AURKC: variants seen among roughly 807,000 people sequenced by gnomAD.
The protein encoded by AURKC is aurora kinase C.
AURKC carries 15 observed loss-of-function variants against 29.2 expected under a neutral mutation model. That is an observed-to-expected ratio of 0.51 (90% CI 0.34 to 0.79). The LOEUF is 0.79. AURKC is among the 30% of genes least tolerant of loss of function. The pLI is 0.01. For synonymous variants in AURKC, 150 were observed against 149.9 expected, an observed-to-expected ratio of 1.00 and a Z score of -0.01; for missense variants, 332 against 383.2, an observed-to-expected ratio of 0.87 and a Z score of 1.12.
chr19:57,231,526 T>A, intron 1 of AURKC: 1 of 701,292 alleles, frequency 1.4e-6, no homozygotes, highest in South Asian at 1.7e-5. Flanking sequence ...CTTCACCTCC[T>A]CCTCCCCTCC....
chr19:57,231,524 C>T (rs1011683820), intron 1 of AURKC: 1 of 735,776 alleles, frequency 1.4e-6, no homozygotes, highest in Non-Finnish European at 2.3e-6. Flanking sequence ...TTCTTCACCT[C>T]CTCCTCCCCT....
In AURKC at chr19:57,232,111, G is replaced by C; in HGVS notation, c.183G>C (p.Arg61=). The C allele has an allele frequency of 6.2e-7, 1 of 1,614,072 alleles. No individual in the cohort carries two copies. The highest frequency in any genetic ancestry group is 8.5e-7 in the Non-Finnish European group (1 of 1,180,010). ...KGKFGNVYLA[R]LKESHFIVAL... ...AATTTGGGAATGTGTACCTGGCTCG[G>C]CTCAAGGAAAGCCATTTCATTGTGG... The change falls in exon 3 of 7, where the codon CGG becomes CGC. Residue 61 remains arginine, a synonymous_variant. Coordinates refer to ENST00000302804, the MANE Select transcript of AURKC (RefSeq NM_001015878.2). This position sits in a 1 kb window ranked among gnomAD's most constrained non-coding sequence, Gnocchi z 4.5.
chr19:57,232,609 T>C lies in AURKC; in HGVS notation c.364T>C (p.Tyr122His). 1 of 1,614,114 alleles carries C rather than the reference T, an allele frequency of 6.2e-7. No individual in the cohort carries two copies. Among genetic ancestry groups the C allele is most frequent in the Non-Finnish European group, 8.5e-7 (1 of 1,180,034 alleles). Reference sequence around the variant, plus strand: ...ACGCCGGGTGTACCTGATTCTGGAATATGCTCCAAGGGGTGAGCTCTACAA... The same window carrying C: ...ACGCCGGGTGTACCTGATTCTGGAACATGCTCCAAGGGGTGAGCTCTACAA... ...DARRVYLILE[Y>H]APRGELYKEL... Residue 122 changes from tyrosine (Y) to histidine (H), a missense_variant, in exon 4 of 7, where the codon TAT becomes CAT. Physicochemically the swap from Tyr to His is moderately conservative, Grantham distance 83 (BLOSUM62 2). Coordinates refer to ENST00000302804, the MANE Select transcript of AURKC (RefSeq NM_001015878.2). The surrounding 1 kb of genome is among the most constrained non-coding windows in gnomAD (Gnocchi z 4.5).
chr19:57,233,489 C>T lies in AURKC; in HGVS notation c.465C>T (p.Thr155=), dbSNP rs1486988401. 9 of 1,614,142 alleles carry T rather than the reference C, an allele frequency of 5.6e-6. No homozygotes were observed. Among genetic ancestry groups the T allele is most frequent in the Non-Finnish European group, 7.6e-6 (9 of 1,180,038 alleles). The change falls in exon 5 of 7, where the codon ACC becomes ACT. Residue 155 remains threonine, a synonymous_variant. Coordinates refer to ENST00000302804, the MANE Select transcript of AURKC (RefSeq NM_001015878.2). ...TIIEELADAL[T]YCHDKKVIHR... ...TAGAGGAGTTGGCAGATGCCCTGACCTACTGCCATGACAAGAAAGTGATTC... is the reference window on the plus strand; with the variant it reads ...TAGAGGAGTTGGCAGATGCCCTGACTTACTGCCATGACAAGAAAGTGATTC...
In AURKC at chr19:57,234,053, C is replaced by CT. The variant is rs10586926; in HGVS notation, c.584+466dup. Among the ~76,000 whole-genome samples, 742 of 112,554 alleles carry CT rather than the reference C, an allele frequency of 6.6e-3. 3 individuals carry two copies. The highest frequency in any genetic ancestry group is 8.1e-3 in the Non-Finnish European group (458 of 56,758). The allele number at this position is 112,554 out of a possible 152,430, so 73.8% of individuals were successfully genotyped here. ...GGCTGAACTACTGCCTTTTTCTTTTCTTTTTTTTTTTTTTTTTTTTTGAGA... is the reference window on the plus strand; with the variant it reads ...GGCTGAACTACTGCCTTTTTCTTTTCTTTTTTTTTTTTTTTTTTTTTTGAGA... On this transcript the variant is annotated intron_variant, in intron 5 of 6. Coordinates refer to ENST00000302804, the MANE Select transcript of AURKC (RefSeq NM_001015878.2).
In AURKC at chr19:57,231,239, T is replaced by A; in HGVS notation, c.-10T>A. 6.4e-7 allele frequency: 1 copy of A among 1,551,540 alleles called. No individual in the cohort carries two copies. Among genetic ancestry groups the A allele is most frequent in the Non-Finnish European group, 8.7e-7 (1 of 1,147,014 alleles). The stretch of plus-strand genomic sequence containing the variant: ...TCAGGAAGGCGTCCGCGCCCTCACC[T>A]CTTCTCCCCATGAGCTCCCCCAGAG... On this transcript the variant is annotated 5_prime_UTR_variant, in exon 1 of 7. Transcript: ENST00000302804.
At chr19:57,231,565 C>T (rs1220451882) in intron 1 of AURKC, 177 bp from the exon 2 acceptor site, 4 of 797,614 alleles carry the variant, frequency 5.0e-6, no homozygotes, top group Non-Finnish European at 8.2e-6. Flanking sequence ...TCTTCTTCCC[C>T]TTACCTCTCC....
rs996571008 is a variant in AURKC at position 57,233,401 on chromosome 19, C to T, written c.436-59C>T. ...CATACAATTCATGGTAAGTGTTCCA[C>T]CTCAGACGGAAATTGTGGCAGGCTT... On this transcript the variant is annotated intron_variant, in intron 4 of 6. Coordinates refer to ENST00000302804, the MANE Select transcript of AURKC (RefSeq NM_001015878.2). 152 of 1,612,402 alleles carry T rather than the reference C, an allele frequency of 9.4e-5. 1 individual carries two copies. The East Asian group carries it at 1.5e-3, about 16-fold the overall frequency.
chr19:57,232,584 A>T lies in AURKC; in HGVS notation c.339A>T (p.Ala113=). Residue 113 remains alanine (A), a synonymous_variant, in exon 4 of 7, where the codon GCA becomes GCT. Coordinates refer to ENST00000302804, the MANE Select transcript of AURKC (RefSeq NM_001015878.2). This position sits in a 1 kb window ranked among gnomAD's most constrained non-coding sequence, Gnocchi z 4.5. The stretch of plus-strand genomic sequence containing the variant: ...GCCTGTATAACTATTTCCATGATGC[A>T]CGCCGGGTGTACCTGATTCTGGAAT... ...ILRLYNYFHD[A]RRVYLILEYA... The T allele has an allele frequency of 1.2e-6, 2 of 1,614,156 alleles. No homozygotes were observed. Among genetic ancestry groups the T allele is most frequent in the Non-Finnish European group, 1.7e-6 (2 of 1,180,042 alleles).
chr19:57,232,545 C>T lies in AURKC; in HGVS notation c.300C>T (p.His100=), dbSNP rs763271195. The T allele has an allele frequency of 3.1e-6, 5 of 1,614,052 alleles. 1 individual carries two copies. In the African/African-American group the frequency reaches 6.7e-5, roughly 22 times the overall value. ...REIEIQAHLQ[H]PNILRLYNYF... is the part of the protein sequence containing the mutation. ...TCTTCCAACATTAATCCTTCAGACA[C>T]CCCAATATCCTGCGCCTGTATAACT... Residue 100 remains histidine, a synonymous_variant, in exon 4 of 7, where the codon CAC becomes CAT. Transcript: ENST00000302804. The surrounding 1 kb of genome is among the most constrained non-coding windows in gnomAD (Gnocchi z 4.5).
At position 57,232,897 on chromosome 19, in the gene AURKC, C is replaced by T. The variant is rs1361183525; in HGVS notation, c.435+217C>T. The stretch of plus-strand genomic sequence containing the variant: ...ATCTCCAGAATATTAATAAGTACTG[C>T]GTATAGGTTTGGATTCTTTGGTTAT... On this transcript the variant is annotated intron_variant, in intron 4 of 6. Coordinates refer to ENST00000302804, the MANE Select transcript of AURKC (RefSeq NM_001015878.2). This position sits in a 1 kb window ranked among gnomAD's most constrained non-coding sequence, Gnocchi z 4.5. Among the ~76,000 whole-genome samples the T allele has an allele frequency of 2.6e-5, 4 of 152,136 alleles. No individual in the cohort carries two copies. Among genetic ancestry groups the T allele is most frequent in the South Asian group, 2.1e-4 (1 of 4,828 alleles).
Position 57,231,151 on chromosome 19 carries a change from G to A in AURKC, c.-98G>A, listed in dbSNP as rs746370175. 1.3e-5 allele frequency: 20 copies of A among 1,519,246 alleles called. No individual in the cohort carries two copies. The East Asian group carries it at 2.9e-4, about 22-fold the overall frequency. 94.1% of individuals were successfully genotyped at this position (1,519,246 alleles called of 1,614,324 possible). ...GGACGAGCAGGATTGGAAGCGCCCC[G>A]GCCAGAAAGTGACCCCCCACCCCTT... On this transcript the variant is annotated 5_prime_UTR_variant, in exon 1 of 7. Coordinates refer to ENST00000302804, the MANE Select transcript of AURKC (RefSeq NM_001015878.2).
chr19:57,232,740 C>CT lies in AURKC; in HGVS notation c.435+61dup. On this transcript the variant is annotated intron_variant, in intron 4 of 6. Coordinates refer to ENST00000302804, the MANE Select transcript of AURKC (RefSeq NM_001015878.2). The surrounding 1 kb of genome is among the most constrained non-coding windows in gnomAD (Gnocchi z 4.5). ...AGTTTACTGTGGGCTGGTGGGAGCT[C>CT]TGTTTGTGGCTGTCAGGAGGGTCCG... The CT allele has an allele frequency of 6.2e-7, 1 of 1,608,548 alleles. No individual in the cohort carries two copies. Among genetic ancestry groups the CT allele is most frequent in the South Asian group, 1.1e-5 (1 of 90,814 alleles).
chr19:57,232,470 C>G lies in AURKC; in HGVS notation c.297-72C>G. 6.2e-7 allele frequency: 1 copy of G among 1,608,824 alleles called. No individual in the cohort carries two copies. Among genetic ancestry groups the G allele is most frequent in the Non-Finnish European group, 8.5e-7 (1 of 1,176,726 alleles). On this transcript the variant is annotated intron_variant, in intron 3 of 6. Coordinates refer to ENST00000302804, the MANE Select transcript of AURKC (RefSeq NM_001015878.2). The surrounding 1 kb of genome is among the most constrained non-coding windows in gnomAD (Gnocchi z 4.5). ...CCAGCATAATTTGCCACTTGTGTGA[C>G]CAGGCAGTGACGGTGGCATCATATG...
At chr19:57,231,441 C>A in intron 1 of AURKC, 135 bp downstream of exon 1, 1 of 1,007,076 alleles carries the variant, frequency 9.9e-7, no homozygotes, top group Non-Finnish European at 1.5e-6. Flanking sequence ...TCCCCACTCC[C>A]TCCCTTCCCT....
In AURKC at chr19:57,231,938, T is replaced by C. The variant is rs2087496100; in HGVS notation, c.105-95T>C. The C allele has an allele frequency of 3.1e-6, 5 of 1,603,092 alleles. No homozygotes were observed. The Admixed American group carries it at 5.0e-5, about 16-fold the overall frequency. On this transcript the variant is annotated intron_variant, in intron 2 of 6. Transcript: ENST00000302804. ...AGAAGGGAAAGCGGCAGAGGAAGGA[T>C]ACAATGAAAGAGGAAGGGGAGCATT... is the stretch of plus-strand genomic sequence containing the variant.
rs762160840 is a variant in AURKC at position 57,232,615 on chromosome 19, C to T, written c.370C>T (p.Pro124Ser). 4.3e-6 allele frequency: 7 copies of T among 1,614,074 alleles called. No individual in the cohort carries two copies. The highest frequency in any genetic ancestry group is 4.5e-5 in the East Asian group (2 of 44,866). Residue 124 changes from proline to serine, a missense_variant, in exon 4 of 7, where the codon CCA becomes TCA. Transcript: ENST00000302804. This position sits in a 1 kb window ranked among gnomAD's most constrained non-coding sequence, Gnocchi z 4.5. ...RRVYLILEYAPRGELYKELQK... is the reference protein window; with the variant it reads ...RRVYLILEYASRGELYKELQK... ...GGTGTACCTGATTCTGGAATATGCT[C>T]CAAGGGGTGAGCTCTACAAGGAGCT...
Position 57,231,115 on chromosome 19 carries a change from G to A in AURKC, c.-134G>A, listed in dbSNP as rs754876967. The A allele has an allele frequency of 1.3e-4, 186 of 1,474,700 alleles. No homozygotes were observed. Among genetic ancestry groups the A allele is most frequent in the Middle Eastern group, 6.8e-4 (4 of 5,848 alleles). 91.4% of individuals were successfully genotyped at this position (1,474,700 alleles called of 1,614,324 possible). ...AAGCCTGTGTAGCAGTGAGACATCAGTGAGGCTGCAGGACGAGCAGGATTG... is the reference window on the plus strand; with the variant it reads ...AAGCCTGTGTAGCAGTGAGACATCAATGAGGCTGCAGGACGAGCAGGATTG... On this transcript the variant is annotated 5_prime_UTR_variant, in exon 1 of 7. It adds an upstream start codon to the 5' untranslated region. Transcript: ENST00000302804.
chr19:57,233,617 G>C lies in AURKC; in HGVS notation c.584+9G>C. The C allele has an allele frequency of 6.2e-7, 1 of 1,613,422 alleles. No homozygotes were observed. Among genetic ancestry groups the C allele is most frequent in the Non-Finnish European group, 8.5e-7 (1 of 1,179,954 alleles). On this transcript the variant is annotated intron_variant, in intron 5 of 6. Coordinates refer to ENST00000302804, the MANE Select transcript of AURKC (RefSeq NM_001015878.2). ...CACACCCCCTCCCTGAGGTAGGTCA[G>C]GTGGTGGTGGTAGGGTGAGTTCTGA...
Sources: gnomAD v4.1 joint callset for allele counts (sites outside exome capture counted in the v4.1 genomes callset) on GRCh38, gnomAD v4.1.1 for gene constraint, Gnocchi (gnomAD v3.1) non-coding constraint, MANE v1.5 for transcripts, NCBI Gene and HGNC (gene_info 2026-07-23, HGNC 2026-07-21) for gene names.